PLD5: variants seen among roughly 807,000 people sequenced by gnomAD.
PLD5 encodes inactive phospholipase D5.
Under a neutral mutation model 61.1 loss-of-function variants are expected in PLD5, and 36 were observed. The observed-to-expected ratio is 0.59, with a 90% CI of 0.45 to 0.78. The LOEUF is 0.78. Ranked by LOEUF, PLD5 falls within the 30% of genes least tolerant of loss-of-function variation. The pLI is 0.00. For missense variants in PLD5, 515 were observed against 644.4 expected, an observed-to-expected ratio of 0.80 and a Z score of 2.17; for synonymous variants, 243 against 242.8, an observed-to-expected ratio of 1.00 and a Z score of -0.01.
At chr1:242,255,089 T>G (rs1672940287) in intron 4 of PLD5, among the ~76,000 whole-genome samples, 1 of 152,138 alleles carries the variant, frequency 6.6e-6, no homozygotes, top group Admixed American at 6.6e-5. Context: ...GACTTCCATC[T>G]GGGCCATTAC....
chr1:242,105,695 T>C (rs754587561), intron 8 of PLD5, among the ~76,000 whole-genome samples: 2 of 152,160 alleles, frequency 1.3e-5, no homozygotes, highest in Non-Finnish European at 2.9e-5. Context: ...AAAATAAGTA[T>C]GAAAAATCCT....
At chr1:242,524,030 G>C (rs1669363075) in intron 1 of PLD5, 58 bp downstream of exon 1, 21 of 1,481,790 alleles carry the variant, frequency 1.4e-5, no homozygotes, top group South Asian at 2.5e-5. Flanking sequence ...CCACCACCAC[G>C]GGGAGGGTGC....
intron 3 of PLD5, among the ~76,000 whole-genome samples, chr1:242,278,228 A>T (rs923242289): frequency 5.9e-5 from 9 of 152,206 alleles, no homozygotes; most frequent in African/African-American, 2.2e-4. Context: ...ATAGAAAAAT[A>T]GGAAAAACAC....
At chr1:242,134,151 AC>A (rs1663520638) in intron 5 of PLD5, among the ~76,000 whole-genome samples, 1 of 152,232 alleles carries the variant, frequency 6.6e-6, no homozygotes, top group African/African-American at 2.4e-5. Flanking sequence ...TGTAAAATAA[AC>A]ATCCCACCCC....
At chr1:242,451,140 T>C (rs540954692) in intron 1 of PLD5, among the ~76,000 whole-genome samples, 1 of 152,216 alleles carries the variant, frequency 6.6e-6, no homozygotes, top group South Asian at 2.1e-4. Flanking sequence ...AAAAAAGCAT[T>C]GTCTGCTTTT....
chr1:242,291,140 T>C (rs1675337605), intron 2 of PLD5, among the ~76,000 whole-genome samples: 1 of 152,094 alleles, frequency 6.6e-6, no homozygotes, highest in Non-Finnish European at 1.5e-5. Context: ...ACATGCATTG[T>C]CCTAATCCCA....
intron 5 of PLD5, among the ~76,000 whole-genome samples, chr1:242,176,878 C>A (rs903251461): frequency 1.3e-5 from 2 of 152,158 alleles, no homozygotes; most frequent in African/African-American, 2.4e-5. Flanking sequence ...CAATGAGATA[C>A]CATCTCATAC....
At chr1:242,369,458 A>G (rs984367516) in intron 1 of PLD5, among the ~76,000 whole-genome samples, 1 of 152,094 alleles carries the variant, frequency 6.6e-6, no homozygotes, top group Non-Finnish European at 1.5e-5. Flanking sequence ...ATTATTTGTG[A>G]AAAAAATGGG....
At chr1:242,133,699 C>A (rs143703438) in intron 5 of PLD5, among the ~76,000 whole-genome samples, 233 of 152,172 alleles carry the variant, frequency 1.5e-3, no homozygotes, top group African/African-American at 5.5e-3. Flanking sequence ...CTCTAAGGGA[C>A]AATTATTCAT....
intron 1 of PLD5, among the ~76,000 whole-genome samples, chr1:242,454,878 G>A (rs773993418): frequency 2.0e-5 from 3 of 152,156 alleles, no homozygotes; most frequent in Non-Finnish European, 2.9e-5. Flanking sequence ...TACCCTTTCC[G>A]GTTCTATCCC....
intron 4 of PLD5, among the ~76,000 whole-genome samples, chr1:242,263,991 CTA>C (rs1266342573): frequency 2.6e-4 from 40 of 152,214 alleles, no homozygotes; most frequent in Non-Finnish European, 3.8e-4. Context: ...CCTTCTCTTC[CTA>C]ACACATCAGC....
At chr1:242,525,012 C>T (rs1669406885), upstream of PLD5, among the ~76,000 whole-genome samples, 2 of 152,142 alleles carry the variant, frequency 1.3e-5, no homozygotes, top group South Asian at 2.1e-4. Flanking sequence ...CTCAGGAAAC[C>T]ACCTCCGCCC....
At chr1:242,185,199 C>T (rs576726223) in intron 5 of PLD5, among the ~76,000 whole-genome samples, 1 of 152,236 alleles carries the variant, frequency 6.6e-6, no homozygotes, top group African/African-American at 2.4e-5. Flanking sequence ...ATATAATCAA[C>T]GCAGCCCAGC....
chr1:242,185,134 T>C (rs1024622517), intron 5 of PLD5, among the ~76,000 whole-genome samples: 2 of 152,188 alleles, frequency 1.3e-5, no homozygotes, highest in African/African-American at 2.4e-5. Flanking sequence ...CGGGAACACA[T>C]ACATTTGTCA....
At chr1:242,138,286 G>A (rs916665022) in intron 5 of PLD5, among the ~76,000 whole-genome samples, 2 of 152,038 alleles carry the variant, frequency 1.3e-5, no homozygotes, top group Admixed American at 1.3e-4. Flanking sequence ...GGTGGTTGGG[G>A]GATGCAAGAG....
chr1:242,398,102 A>G (rs963314415), intron 1 of PLD5, among the ~76,000 whole-genome samples: 1 of 152,202 alleles, frequency 6.6e-6, no homozygotes, highest in Non-Finnish European at 1.5e-5. Context: ...AAATAGCAAT[A>G]AATAAGGCCA....
intron 1 of PLD5, among the ~76,000 whole-genome samples, chr1:242,403,859 CT>C (rs886341917): frequency 2.2e-4 from 33 of 152,292 alleles, no homozygotes; most frequent in African/African-American, 7.9e-4. Flanking sequence ...TTCTCAATCC[CT>C]TCCTCAGTGT....
At chr1:242,254,656 G>A (rs1373232201) in intron 4 of PLD5, among the ~76,000 whole-genome samples, 1 of 152,096 alleles carries the variant, frequency 6.6e-6, no homozygotes, top group African/African-American at 2.4e-5. Context: ...GGCAACAAGA[G>A]TGAAATTCGT....
chr1:242,193,768 A>T (rs913441409), intron 5 of PLD5, among the ~76,000 whole-genome samples: 2 of 152,202 alleles, frequency 1.3e-5, no homozygotes, highest in Admixed American at 1.3e-4. Context: ...TCTCAGCCCC[A>T]AATCTGTGAC....
Sources: gnomAD v4.1 joint callset for allele counts (sites outside exome capture counted in the v4.1 genomes callset) on GRCh38, gnomAD v4.1.1 for gene constraint, MANE v1.5 for transcripts, NCBI Gene and HGNC (gene_info 2026-07-23, HGNC 2026-07-21) for gene names.